SPAG16: variants seen among roughly 807,000 people sequenced by gnomAD.
The protein encoded by SPAG16 is sperm associated antigen 16.
Under a neutral mutation model 80.4 loss-of-function variants are expected in SPAG16, and 86 were observed. That is an observed-to-expected ratio of 1.07 (90% CI 0.90 to 1.28). SPAG16 has a LOEUF of 1.28. Among genes scored for constraint, SPAG16 ranks in the 50% most tolerant of loss-of-function variants. The pLI, the probability that SPAG16 is intolerant of heterozygous loss-of-function variation, is 0.00. For synonymous variants in SPAG16, 294 were observed against 265.9 expected, an observed-to-expected ratio of 1.11 and a Z score of -1.03; for missense variants, 870 against 765.3, an observed-to-expected ratio of 1.14 and a Z score of -1.61.
At chr2:214,132,940 A>G (rs1315100381) in intron 14 of SPAG16, among the ~76,000 whole-genome samples, 1 of 151,920 alleles carries the variant, frequency 6.6e-6, no homozygotes, top group Non-Finnish European at 1.5e-5. Flanking sequence ...TAAAAATACA[A>G]AATTAGCCAG....
At chr2:213,761,047 TAA>T (rs1432043425) in intron 10 of SPAG16, among the ~76,000 whole-genome samples, 1 of 152,236 alleles carries the variant, frequency 6.6e-6, no homozygotes, top group Non-Finnish European at 1.5e-5. Flanking sequence ...CATTGGAGAT[TAA>T]GTTTTCAACA....
intron 6 of SPAG16, among the ~76,000 whole-genome samples, chr2:213,346,995 G>A (rs1360109059): frequency 1.3e-5 from 2 of 152,140 alleles, no homozygotes; most frequent in Non-Finnish European, 2.9e-5. Flanking sequence ...GTAGAATTCG[G>A]CTGTGAATCC....
In SPAG16 at chr2:213,318,910, T is replaced by G. The variant is rs559934768; in HGVS notation, c.536+1554T>G. 8.5e-5 allele frequency among the ~76,000 whole-genome samples: 13 copies of G among 152,082 alleles called. No homozygotes were observed. In the East Asian group the frequency reaches 2.5e-3, roughly 29 times the overall value. Reference sequence around the variant, plus strand: ...TGAAAGGAAACCTTTGTTTTGTAATTTCCTGGCATAAATTTATTCATAGAA... The same window carrying G: ...TGAAAGGAAACCTTTGTTTTGTAATGTCCTGGCATAAATTTATTCATAGAA... On this transcript the variant is annotated intron_variant, in intron 5 of 15. Transcript: ENST00000331683.
rs149588060 is a variant in SPAG16, at chr2:213,943,912, A to G, written c.1400+13767A>G. On this transcript the variant is annotated intron_variant, in intron 12 of 15. Coordinates refer to ENST00000331683, the MANE Select transcript of SPAG16 (RefSeq NM_024532.5). Reference sequence around the variant, plus strand: ...ACACCACAGAAATACTGGCACCAAAATGGAATAAAATGAAGAAAAGTTGTT... The same window carrying G: ...ACACCACAGAAATACTGGCACCAAAGTGGAATAAAATGAAGAAAAGTTGTT... Among the ~76,000 whole-genome samples, 500 of 152,330 alleles carry G rather than the reference A, an allele frequency of 3.3e-3. 5 individuals carry two copies. Among genetic ancestry groups the G allele is most frequent in the African/African-American group, 0.011 (465 of 41,582 alleles).
chr2:213,302,876 C>T (rs1282251021), intron 3 of SPAG16, among the ~76,000 whole-genome samples: 1 of 152,046 alleles, frequency 6.6e-6, no homozygotes, highest in Non-Finnish European at 1.5e-5. Context: ...TGCAACCGTA[C>T]ATACAACAAA....
At position 213,828,326 on chromosome 2, in the gene SPAG16, G is replaced by A. The variant is rs189301136; in HGVS notation, c.1071-34159G>A. On this transcript the variant is annotated intron_variant, in intron 10 of 15. Transcript: ENST00000331683. ...TTAAGAGACTCTGATGCATTCTTTC[G>A]TATGTCAGTTGCATTTTTCAACTCC... is the stretch of plus-strand genomic sequence containing the variant. Among the ~76,000 whole-genome samples the A allele has an allele frequency of 9.5e-4, 145 of 151,986 alleles. 1 individual carries two copies. In the Middle Eastern group the frequency reaches 0.01, roughly 11 times the overall value.
intron 13 of SPAG16, among the ~76,000 whole-genome samples, chr2:214,051,981 T>C (rs1559737023): frequency 1.3e-5 from 2 of 152,232 alleles, no homozygotes; most frequent in Admixed American, 6.5e-5. Context: ...TTTCTTCCTA[T>C]GTGATTTGTA....
intron 11 of SPAG16, among the ~76,000 whole-genome samples, chr2:213,863,130 A>G (rs969797082): frequency 6.6e-6 from 1 of 152,248 alleles, no homozygotes; most frequent in African/African-American, 2.4e-5. Flanking sequence ...CACTGAACCT[A>G]AATTCATTTG....
intron 13 of SPAG16, among the ~76,000 whole-genome samples, chr2:214,018,412 G>A (rs1434882900): frequency 6.6e-6 from 1 of 152,056 alleles, no homozygotes; most frequent in African/African-American, 2.4e-5. Context: ...TCATAAACAA[G>A]TTAAAATAAA....
At chr2:214,297,044 A>G (rs1694183450) in intron 15 of SPAG16, among the ~76,000 whole-genome samples, 2 of 152,198 alleles carry the variant, frequency 1.3e-5, no homozygotes, top group South Asian at 2.1e-4. Context: ...TGGTTCATGT[A>G]TACCCAGCAG....
At chr2:213,928,379 A>ACCGTGCCCGAGCCTGACGCCTACCCATT (rs2078591336) in intron 11 of SPAG16, among the ~76,000 whole-genome samples, 1 of 151,840 alleles carries the variant, frequency 6.6e-6, no homozygotes, top group Non-Finnish European at 1.5e-5. Context: ...GGTGTGAGCC[A>ACCGTGCCCGAGCCTGACGCCTACCCATT]TCACACCTGG....
chr2:214,078,101 A>AG (rs2051173760), intron 13 of SPAG16, among the ~76,000 whole-genome samples: 1 of 142,086 alleles, frequency 7.0e-6, no homozygotes, highest in Admixed American at 7.2e-5. Flanking sequence ...TCTTTCTGCA[A>AG]GGGAGAGGAA....
At chr2:214,295,908 A>T (rs1694098992) in intron 15 of SPAG16, among the ~76,000 whole-genome samples, 1 of 152,190 alleles carries the variant, frequency 6.6e-6, no homozygotes, top group African/African-American at 2.4e-5. Context: ...TTATCTTTTT[A>T]AATTTTAGAT....
intron 12 of SPAG16, among the ~76,000 whole-genome samples, chr2:214,006,845 G>T (rs1412274630): frequency 6.6e-6 from 1 of 152,112 alleles, no homozygotes; most frequent in Non-Finnish European, 1.5e-5. Flanking sequence ...TTACCCTCTT[G>T]AGCAGTACTT....
chr2:213,429,891 A>G (rs2070184177), intron 9 of SPAG16, among the ~76,000 whole-genome samples: 1 of 152,248 alleles, frequency 6.6e-6, no homozygotes, highest in African/African-American at 2.4e-5. Context: ...GTTTCTCCAA[A>G]TGCAAATAAA....
At chr2:213,976,219 CATATACAT>C (rs2045389320) in intron 12 of SPAG16, among the ~76,000 whole-genome samples, 1 of 149,408 alleles carries the variant, frequency 6.7e-6, no homozygotes, top group Non-Finnish European at 1.5e-5. Context: ...CATATGTACG[CATATACAT>C]ATATACACGT....
chr2:214,106,561 G>A (rs1048793361), intron 13 of SPAG16, among the ~76,000 whole-genome samples: 1 of 152,112 alleles, frequency 6.6e-6, no homozygotes, highest in South Asian at 2.1e-4. Context: ...GTACAATGAC[G>A]ATAATGAGGA....
intron 15 of SPAG16, chr2:214,240,914 C>A (rs1424137980): frequency 1.3e-5 from 2 of 152,068 alleles, no homozygotes; most frequent in Admixed American, 1.3e-4. Context: ...GCAACCTTTA[C>A]CTTCCAATAT....
chr2:213,858,187 C>T (rs1260782744), intron 10 of SPAG16, among the ~76,000 whole-genome samples: 1 of 152,162 alleles, frequency 6.6e-6, no homozygotes, highest in Non-Finnish European at 1.5e-5. Flanking sequence ...AGAGGGTTGA[C>T]TCCAATTTTG....
Sources: gnomAD v4.1 joint callset for allele counts (sites outside exome capture counted in the v4.1 genomes callset) on GRCh38, gnomAD v4.1.1 for gene constraint, MANE v1.5 for transcripts, NCBI Gene and HGNC (gene_info 2026-07-23, HGNC 2026-07-21) for gene names.